The following PPP1R9A variants were observed in gnomAD, a reference collection of about 807,000 sequenced individuals.
The protein encoded by PPP1R9A is protein phosphatase 1 regulatory subunit 9A.
PPP1R9A carries 59 observed loss-of-function variants against 141.9 expected under a neutral mutation model. The ratio of observed to expected loss-of-function variants is 0.42; its 90% CI spans 0.34 to 0.52. The LOEUF is 0.52. Among genes scored for constraint, PPP1R9A ranks in the 20% least tolerant of loss-of-function variants. The pLI is 0.10. For missense variants in PPP1R9A, 1,444 were observed against 1,611.9 expected, an observed-to-expected ratio of 0.90 and a Z score of 1.78; for synonymous variants, 500 against 569.7, an observed-to-expected ratio of 0.88 and a Z score of 1.74.
At chr7:94,998,028 A>G (rs1358242346) in intron 2 of PPP1R9A, among the ~76,000 whole-genome samples, 1 of 152,126 alleles carries the variant, frequency 6.6e-6, no homozygotes, top group Non-Finnish European at 1.5e-5. Flanking sequence ...GAAGGTATGG[A>G]CAATTTTACT....
intron 3 of PPP1R9A, among the ~76,000 whole-genome samples, chr7:95,119,988 G>A (rs1259271507): frequency 2.6e-5 from 3 of 117,102 alleles, no homozygotes; most frequent in South Asian, 2.6e-4. Context: ...ATGGAGTCTC[G>A]CTTTGTCACC....
intron 4 of PPP1R9A, among the ~76,000 whole-genome samples, chr7:95,140,686 T>C (rs1341280923): frequency 6.6e-6 from 1 of 152,154 alleles, no homozygotes; most frequent in African/African-American, 2.4e-5. Context: ...CCACCACAAC[T>C]GGCCAGGAGA....
intron 4 of PPP1R9A, among the ~76,000 whole-genome samples, chr7:95,130,453 C>T (rs1051090485): frequency 6.6e-6 from 1 of 152,138 alleles, no homozygotes; most frequent in African/African-American, 2.4e-5. Context: ...GGGTGGGGCT[C>T]TCATGGAGAA....
chr7:95,273,340 C>G (rs1390961481), intron 14 of PPP1R9A, among the ~76,000 whole-genome samples: 2 of 152,216 alleles, frequency 1.3e-5, no homozygotes, highest in Admixed American at 6.5e-5. Flanking sequence ...CATGTCCTCC[C>G]CTCCTCTGTT....
intron 2 of PPP1R9A, among the ~76,000 whole-genome samples, chr7:95,083,766 T>C (rs1489041219): frequency 6.6e-6 from 1 of 151,892 alleles, no homozygotes; most frequent in Non-Finnish European, 1.5e-5. Context: ...GTAATTGGGT[T>C]CCAAAAAGTA....
chr7:94,940,012 G>T (rs1198438791), intron 2 of PPP1R9A, among the ~76,000 whole-genome samples: 3 of 151,892 alleles, frequency 2.0e-5, no homozygotes. Flanking sequence ...AGGCCCCTAG[G>T]ACATAATAAC....
At chr7:95,132,502 G>A (rs1031825990) in intron 4 of PPP1R9A, among the ~76,000 whole-genome samples, 3 of 152,024 alleles carry the variant, frequency 2.0e-5, no homozygotes, top group Non-Finnish European at 4.4e-5. Context: ...TGTATATGTT[G>A]AACCAACTGT....
chr7:95,139,487 C>T (rs1826256380), intron 4 of PPP1R9A, among the ~76,000 whole-genome samples: 1 of 152,074 alleles, frequency 6.6e-6, no homozygotes, highest in Non-Finnish European at 1.5e-5. Context: ...TGTGCTTTTG[C>T]CTCATGTCTT....
intron 5 of PPP1R9A, among the ~76,000 whole-genome samples, chr7:95,197,830 G>A (rs557694318): frequency 2.0e-5 from 3 of 152,042 alleles, no homozygotes; most frequent in African/African-American, 7.2e-5. Context: ...TGTATTTTTA[G>A]TAGAGACGGG....
At chr7:95,167,577 G>T (rs1026783964) in intron 5 of PPP1R9A, among the ~76,000 whole-genome samples, 3 of 152,072 alleles carry the variant, frequency 2.0e-5, no homozygotes, top group Non-Finnish European at 2.9e-5. Context: ...GAAATAAAAG[G>T]CATCTGAATA....
At chr7:95,242,999 CAT>C (rs1421232673) in intron 8 of PPP1R9A, among the ~76,000 whole-genome samples, 1 of 152,290 alleles carries the variant, frequency 6.6e-6, no homozygotes, top group Non-Finnish European at 1.5e-5. Flanking sequence ...ATCTCTTAAA[CAT>C]GTGGAAAGGG....
intron 7 of PPP1R9A, among the ~76,000 whole-genome samples, chr7:95,213,273 G>A (rs141543427): frequency 2.6e-4 from 40 of 151,478 alleles, no homozygotes; most frequent in Admixed American, 1.5e-3. Context: ...TTTCCTAAGG[G>A]CAGAATTCTT....
chr7:95,061,488 C>T lies in PPP1R9A; in HGVS notation c.1396-49771C>T, dbSNP rs551848447. Among the ~76,000 whole-genome samples, 3 of 152,316 alleles carry T rather than the reference C, an allele frequency of 2.0e-5. No individual in the cohort carries two copies. In the South Asian group the frequency reaches 6.2e-4, roughly 32 times the overall value. On this transcript the variant is annotated intron_variant, in intron 2 of 19. Coordinates refer to ENST00000433360, the MANE Select transcript of PPP1R9A (RefSeq NM_001166160.2). ...CGGTGGCTCATGCCTATTACCCCAGCACTTCAGGAGGCCAAGGCAGGCAAA... is the reference window on the plus strand; with the variant it reads ...CGGTGGCTCATGCCTATTACCCCAGTACTTCAGGAGGCCAAGGCAGGCAAA...
intron 2 of PPP1R9A, among the ~76,000 whole-genome samples, chr7:95,056,717 T>C (rs1811546518): frequency 6.6e-6 from 1 of 152,148 alleles, no homozygotes; most frequent in African/African-American, 2.4e-5. Flanking sequence ...CTGTATGTAA[T>C]ATGAATTCAA....
At chr7:94,989,185 A>C (rs980686203) in intron 2 of PPP1R9A, among the ~76,000 whole-genome samples, 3 of 151,896 alleles carry the variant, frequency 2.0e-5, no homozygotes, top group Non-Finnish European at 2.9e-5. Context: ...GTGAAAAAAA[A>C]CCCCACTGAC....
intron 2 of PPP1R9A, among the ~76,000 whole-genome samples, chr7:94,934,242 G>A (rs1324876420): frequency 6.6e-6 from 1 of 151,930 alleles, no homozygotes; most frequent in African/African-American, 2.4e-5. Flanking sequence ...CTAGATCAGG[G>A]GTCAGTTAAT....
chr7:95,139,629 G>A (rs1826278429), intron 4 of PPP1R9A, among the ~76,000 whole-genome samples: 1 of 152,036 alleles, frequency 6.6e-6, no homozygotes, highest in Non-Finnish European at 1.5e-5. Context: ...AGGTAGGGAC[G>A]CTGCTAATTC....
rs567690228 is a variant in PPP1R9A at position 95,023,627 on chromosome 7, C to A, written c.1396-87632C>A. On this transcript the variant is annotated intron_variant, in intron 2 of 19. Transcript: ENST00000433360. ...GGAGTGCAGTGGCGCGATCTTGGCT[C>A]ACTGCAAGCTCTGCCTCCTGGTTTC... is the stretch of plus-strand genomic sequence containing the variant. Among the ~76,000 whole-genome samples the A allele has an allele frequency of 1.1e-3, 166 of 152,200 alleles. 10 individuals are homozygous for A. In the South Asian group the frequency reaches 0.034, roughly 31 times the overall value.
At chr7:95,230,490 C>T (rs1795773048) in intron 8 of PPP1R9A, among the ~76,000 whole-genome samples, 1 of 151,866 alleles carries the variant, frequency 6.6e-6, no homozygotes, top group African/African-American at 2.4e-5. Flanking sequence ...TTCTGGAAAT[C>T]AAGGACACAC....
Sources: gnomAD v4.1 joint callset for allele counts (sites outside exome capture counted in the v4.1 genomes callset) on GRCh38, gnomAD v4.1.1 for gene constraint, MANE v1.5 for transcripts, NCBI Gene and HGNC (gene_info 2026-07-23, HGNC 2026-07-21) for gene names.